Variants in FSIP1 observed in about 807,000 individuals in gnomAD.
FSIP1 encodes the protein fibrous sheath-interacting protein 1.
Under a neutral mutation model 60.9 loss-of-function variants are expected in FSIP1, and 65 were observed. The observed-to-expected ratio is 1.07, with a 90% CI of 0.87 to 1.31. The LOEUF is 1.31. Among genes scored for constraint, FSIP1 ranks in the 40% most tolerant of loss-of-function variants. The pLI, the probability that FSIP1 is intolerant of heterozygous loss-of-function variation, is 0.00. For synonymous variants in FSIP1, 209 were observed against 221.2 expected (o/e 0.94, Z 0.49); for missense variants, 675 against 665.5 (o/e 1.01, Z -0.16).
At chr15:39,726,837 T>C in intron 8 of FSIP1, 90 bp from the exon 9 acceptor site, 1 of 821,320 alleles carries the variant, frequency 1.2e-6, no homozygotes, top group South Asian at 1.7e-5. Context: ...GCCCAGGTCT[T>C]CACATACACA....
intron 5 of FSIP1, among the ~76,000 whole-genome samples, chr15:39,762,943 GA>G (rs1306163452): frequency 1.3e-5 from 2 of 152,028 alleles, no homozygotes; most frequent in Non-Finnish European, 2.9e-5. Flanking sequence ...ATTAGTGGGG[GA>G]AAGGTTACAA....
chr15:39,614,027 G>C (rs1595532036), intron 11 of FSIP1, among the ~76,000 whole-genome samples: 1 of 152,116 alleles, frequency 6.6e-6, no homozygotes, highest in East Asian at 1.9e-4. Flanking sequence ...TTTTCCACAA[G>C]GATGCCCACT....
chr15:39,759,617 T>A (rs1897424759), intron 5 of FSIP1, among the ~76,000 whole-genome samples: 1 of 152,130 alleles, frequency 6.6e-6, no homozygotes, highest in African/African-American at 2.4e-5. Context: ...TACCACAAAC[T>A]TGGTGGCTTC....
chr15:39,766,979 G>C (rs28538495), intron 3 of FSIP1, among the ~76,000 whole-genome samples: 20,929 of 152,044 alleles, frequency 0.14, 1,791 homozygotes, highest in Admixed American at 0.27. Context: ...GCCAGAGCCA[G>C]GACTACAGGT....
At chr15:39,706,117 T>G (rs1895258776) in intron 10 of FSIP1, among the ~76,000 whole-genome samples, 1 of 152,210 alleles carries the variant, frequency 6.6e-6, no homozygotes, top group African/African-American at 2.4e-5. Flanking sequence ...TGCTTTGACA[T>G]TCCCTTCTTT....
intron 11 of FSIP1, among the ~76,000 whole-genome samples, chr15:39,603,747 C>T (rs956102112): frequency 3.3e-5 from 5 of 152,184 alleles, no homozygotes; most frequent in African/African-American, 2.4e-5. Flanking sequence ...AAAAAGCAGA[C>T]ATTCAGCAGA....
intron 5 of FSIP1, among the ~76,000 whole-genome samples, chr15:39,755,499 C>T (rs1041020666): frequency 1.3e-5 from 2 of 152,110 alleles, no homozygotes; most frequent in Admixed American, 6.6e-5. Flanking sequence ...TTTGGAATCA[C>T]CATTTTGGAG....
At chr15:39,634,947 A>G (rs1322541123) in intron 10 of FSIP1, among the ~76,000 whole-genome samples, 1 of 146,288 alleles carries the variant, frequency 6.8e-6, no homozygotes, top group Non-Finnish European at 1.5e-5. Context: ...AGCCAAAAAG[A>G]AGATAGAGGC....
chr15:39,636,834 T>C (rs1892160483), intron 10 of FSIP1, among the ~76,000 whole-genome samples: 1 of 152,218 alleles, frequency 6.6e-6, no homozygotes, highest in African/African-American at 2.4e-5. Flanking sequence ...CAAAAGAGAT[T>C]CTTTTAGTGT....
intron 11 of FSIP1, among the ~76,000 whole-genome samples, chr15:39,608,834 A>G (rs1890919631): frequency 1.3e-5 from 2 of 152,210 alleles, no homozygotes; most frequent in South Asian, 4.1e-4. Flanking sequence ...CCTGAACGTG[A>G]AAAGCTGAGA....
At chr15:39,613,027 T>C (rs981364330) in intron 11 of FSIP1, among the ~76,000 whole-genome samples, 2 of 152,050 alleles carry the variant, frequency 1.3e-5, no homozygotes, top group Non-Finnish European at 2.9e-5. Context: ...GAATATATTA[T>C]AAGAAGAATA....
At chr15:39,673,567 C>T (rs1376381695) in intron 10 of FSIP1, among the ~76,000 whole-genome samples, 1 of 152,220 alleles carries the variant, frequency 6.6e-6, no homozygotes, top group East Asian at 1.9e-4. Context: ...CCTCCTGCCA[C>T]AGCCTCCCAA....
Position 39,658,265 on chromosome 15 carries a change from T to G in FSIP1, c.1189-40020A>C, listed in dbSNP as rs1893150302. The stretch of plus-strand genomic sequence containing the variant: ...AAGCAGACATGATTTTTTTTTTTTT[T>G]TTTTTTTGAGATGGAGTCTCGCTGT... On this transcript the variant is annotated intron_variant, in intron 10 of 11. Transcript: ENST00000350221. Among the ~76,000 whole-genome samples, 5 of 150,508 alleles carry G rather than the reference T, an allele frequency of 3.3e-5. No individual in the cohort carries two copies. In the South Asian group the frequency reaches 1.1e-3, roughly 32 times the overall value.
chr15:39,722,008 T>C lies in FSIP1; in HGVS notation c.1050+4581A>G, dbSNP rs1339370188. The stretch of plus-strand genomic sequence containing the variant: ...CCATGGACGGTTCTGGTAGATGGCT[T>C]GTTAGGAACCGGGCCCCAGAGCAGG... On this transcript the variant is annotated intron_variant, in intron 9 of 11. Transcript: ENST00000350221. 4.6e-5 allele frequency among the ~76,000 whole-genome samples: 7 copies of C among 152,124 alleles called. No homozygotes were observed. In the East Asian group the frequency reaches 1.3e-3, roughly 29 times the overall value.
chr15:39,605,385 A>G (rs1484618778), intron 11 of FSIP1, among the ~76,000 whole-genome samples: 1 of 152,208 alleles, frequency 6.6e-6, no homozygotes, highest in African/African-American at 2.4e-5. Flanking sequence ...GTTAGGAATA[A>G]TGCTCTGCAG....
intron 2 of FSIP1, among the ~76,000 whole-genome samples, chr15:39,772,203 C>G (rs1376273375): frequency 1.3e-5 from 2 of 152,200 alleles, no homozygotes; most frequent in African/African-American, 4.8e-5. Flanking sequence ...ACTGGCCTCT[C>G]TATTCCTAAC....
intron 10 of FSIP1, among the ~76,000 whole-genome samples, chr15:39,706,125 T>C (rs769364070): frequency 1.3e-5 from 2 of 152,202 alleles, no homozygotes; most frequent in Non-Finnish European, 2.9e-5. Context: ...CATTCCCTTC[T>C]TTGAGAACAT....
chr15:39,608,718 T>G (rs771729222), intron 11 of FSIP1, among the ~76,000 whole-genome samples: 5 of 152,324 alleles, frequency 3.3e-5, no homozygotes, highest in Non-Finnish European at 5.9e-5. Context: ...CTGGAAGTTC[T>G]ACTCAGGAAG....
At chr15:39,635,595 T>C (rs1287543176) in intron 10 of FSIP1, among the ~76,000 whole-genome samples, 3 of 152,120 alleles carry the variant, frequency 2.0e-5, no homozygotes, top group Non-Finnish European at 4.4e-5. Flanking sequence ...TGATTTCCTA[T>C]TGTAATAGCT....
Sources: gnomAD v4.1 joint callset for allele counts (sites outside exome capture counted in the v4.1 genomes callset) on GRCh38, gnomAD v4.1.1 for gene constraint, MANE v1.5 for transcripts, NCBI Gene and HGNC (gene_info 2026-07-23, HGNC 2026-07-21) for gene names.